Variants in DOCK1 observed in about 807,000 individuals in gnomAD.
The protein encoded by DOCK1 is dedicator of cytokinesis 1.
In DOCK1, 138 loss-of-function variants were observed where a neutral mutation model predicts 262.7. The observed-to-expected ratio is 0.53, with a 90% CI of 0.46 to 0.61. The LOEUF (loss-of-function observed/expected upper bound fraction) is 0.61, where lower values mean the gene tolerates loss of function less well. Among genes scored for constraint, DOCK1 ranks in the 20% least tolerant of loss-of-function variants. DOCK1 has a pLI of 0.00. For missense variants in DOCK1, 1,908 were observed against 2,370.7 expected (o/e 0.80, Z 4.05); for synonymous variants, 866 against 867.4 (o/e 1.00, Z 0.03).
intron 27 of DOCK1, among the ~76,000 whole-genome samples, chr10:127,210,628 C>G (rs1229881499): frequency 1.3e-5 from 2 of 152,182 alleles, no homozygotes; most frequent in Non-Finnish European, 2.9e-5. Context: ...ACTGCCTGTT[C>G]CCTGGGTGGC....
chr10:127,306,623 A>G (rs1274651255), intron 29 of DOCK1, among the ~76,000 whole-genome samples: 2 of 152,210 alleles, frequency 1.3e-5, no homozygotes. Context: ...TTTATCCCCT[A>G]TTCAGCATTA....
At chr10:126,910,633 G>A (rs1030037272) in intron 1 of DOCK1, among the ~76,000 whole-genome samples, 6 of 152,202 alleles carry the variant, frequency 3.9e-5, no homozygotes, top group South Asian at 4.1e-4. Flanking sequence ...CTAAGGTTAC[G>A]TCTTGTAAAG....
chr10:127,085,883 A>G (rs2047167456), intron 23 of DOCK1, among the ~76,000 whole-genome samples: 2 of 152,170 alleles, frequency 1.3e-5, no homozygotes, highest in African/African-American at 4.8e-5. Context: ...TTATTGTATC[A>G]CAGTCCAGTT....
chr10:127,197,807 A>G (rs142553644), intron 27 of DOCK1, among the ~76,000 whole-genome samples: 3 of 152,318 alleles, frequency 2.0e-5, no homozygotes, highest in African/African-American at 4.8e-5. Flanking sequence ...TCACTGCCTT[A>G]TAGAGTGTCT....
intron 1 of DOCK1, among the ~76,000 whole-genome samples, chr10:126,968,124 C>G (rs1312203696): frequency 6.6e-6 from 1 of 152,154 alleles, no homozygotes; most frequent in Non-Finnish European, 1.5e-5. Flanking sequence ...AGCTGCCACA[C>G]CCGGCCAAGA....
At chr10:127,007,339 G>A (rs2041108883) in intron 10 of DOCK1, 1 of 152,100 alleles carries the variant, frequency 6.6e-6, no homozygotes, top group South Asian at 2.1e-4. Context: ...TGATGGTGAT[G>A]GTAGAAAGGA....
At chr10:126,970,594 A>C in intron 1 of DOCK1, 108 bp from the exon 2 acceptor site, 1 of 790,816 alleles carries the variant, frequency 1.3e-6, no homozygotes, top group Non-Finnish European at 2.1e-6. Flanking sequence ...GCAGCGACTG[A>C]ATGTATTTCA....
chr10:127,239,976 TA>T (rs68001810), intron 27 of DOCK1, among the ~76,000 whole-genome samples: 3,077 of 152,264 alleles, frequency 0.02, 42 homozygotes, highest in Non-Finnish European at 0.032. Flanking sequence ...TATTATACTT[TA>T]TAAGTAGCAA....
chr10:127,044,790 G>A (rs1024258798), intron 21 of DOCK1, among the ~76,000 whole-genome samples: 9 of 152,202 alleles, frequency 5.9e-5, no homozygotes, highest in African/African-American at 2.2e-4. Flanking sequence ...AAGGAGTGAT[G>A]CAGCCATTCT....
chr10:127,033,980 C>A (rs2043413230), intron 18 of DOCK1, among the ~76,000 whole-genome samples: 1 of 152,216 alleles, frequency 6.6e-6, no homozygotes, highest in South Asian at 2.1e-4. Context: ...TTTCTCGAAC[C>A]ATTTATGAAG....
At chr10:126,947,187 C>T (rs2035486318) in intron 1 of DOCK1, among the ~76,000 whole-genome samples, 2 of 151,866 alleles carry the variant, frequency 1.3e-5, no homozygotes, top group Non-Finnish European at 2.9e-5. Context: ...TGGTCTTTCT[C>T]AGGGCAGAAT....
At chr10:126,955,701 G>T (rs1591439474) in intron 1 of DOCK1, among the ~76,000 whole-genome samples, 1 of 152,106 alleles carries the variant, frequency 6.6e-6, no homozygotes, top group Non-Finnish European at 1.5e-5. Flanking sequence ...CTTGGCTTCC[G>T]CTGTTTTATT....
chr10:127,260,973 GTGTGTGTGTACCCGTGCTCA>G (rs140068728), intron 29 of DOCK1, among the ~76,000 whole-genome samples: 32,246 of 69,266 alleles, frequency 0.47, 5,891 homozygotes, highest in Admixed American at 0.54. Context: ...ATGTGGGTGT[GTGTGTGTGTACCCGTGCTCA>G]TGTGTGTGTA....
intron 29 of DOCK1, among the ~76,000 whole-genome samples, chr10:127,331,281 T>G (rs2062968850): frequency 6.6e-6 from 1 of 152,046 alleles, no homozygotes; most frequent in South Asian, 2.1e-4. Context: ...TTGTTTTTGT[T>G]TTTTTTTGTT....
chr10:127,379,107 C>A (rs919365317), intron 35 of DOCK1, among the ~76,000 whole-genome samples: 2 of 152,182 alleles, frequency 1.3e-5, no homozygotes, highest in Admixed American at 1.3e-4. Context: ...TTTTTAGGTG[C>A]TAAATTTCAC....
Position 127,080,190 on chromosome 10 carries a change from G to C in DOCK1, c.2445+18414G>C, listed in dbSNP as rs990682619. ...TAAGTCTTTTCAGGTACCACAGTATGTATGAGTCCTTCTTAACTCTCATTT... is the reference window on the plus strand; with the variant it reads ...TAAGTCTTTTCAGGTACCACAGTATCTATGAGTCCTTCTTAACTCTCATTT... On this transcript the variant is annotated intron_variant, in intron 23 of 51. Coordinates refer to ENST00000623213, the MANE Select transcript of DOCK1 (RefSeq NM_001290223.2). 5.3e-5 allele frequency among the ~76,000 whole-genome samples: 8 copies of C among 152,072 alleles called. No homozygotes were observed. The East Asian group carries it at 9.7e-4, about 18-fold the overall frequency.
At chr10:127,184,827 GTCTTA>G (rs2056079436) in intron 27 of DOCK1, among the ~76,000 whole-genome samples, 1 of 152,120 alleles carries the variant, frequency 6.6e-6, no homozygotes, top group African/African-American at 2.4e-5. Flanking sequence ...TCTAGATCTA[GTCTTA>G]TCTTCTATGC....
chr10:126,960,464 T>C (rs1010179452), intron 1 of DOCK1, among the ~76,000 whole-genome samples: 7 of 150,908 alleles, frequency 4.6e-5, no homozygotes, highest in Non-Finnish European at 8.8e-5. Context: ...AAGGCTGCTG[T>C]TGAGCGCTCA....
rs961474752 is a variant in DOCK1 at position 127,042,766 on chromosome 10, C to G, written c.2100+52C>G. 11 of 1,578,144 alleles carry G rather than the reference C, an allele frequency of 7.0e-6. No homozygotes were observed. In the Middle Eastern group the frequency reaches 1.0e-3, roughly 143 times the overall value. The stretch of plus-strand genomic sequence containing the variant: ...TTGGATAACACAGCGTTCTTCCATG[C>G]TGCAGCGTCTGAGGCTGGAGTCGGG... On this transcript the variant is annotated intron_variant, in intron 20 of 51. Transcript: ENST00000623213.
Sources: gnomAD v4.1 joint callset for allele counts (sites outside exome capture counted in the v4.1 genomes callset) on GRCh38, gnomAD v4.1.1 for gene constraint, MANE v1.5 for transcripts, NCBI Gene and HGNC (gene_info 2026-07-23, HGNC 2026-07-21) for gene names.